The following GLG1 variants were observed in gnomAD, a reference collection of about 807,000 sequenced individuals.
The protein encoded by GLG1 is Golgi apparatus protein 1.
In GLG1, 38 loss-of-function variants were observed where a neutral mutation model predicts 160.5. That is an observed-to-expected ratio of 0.24 (90% CI 0.18 to 0.31). GLG1 has a LOEUF of 0.31. Among genes scored for constraint, GLG1 ranks in the 10% least tolerant of loss-of-function variants. The pLI is 1.00. For synonymous variants in GLG1, 644 were observed against 543.4 expected, an observed-to-expected ratio of 1.19 and a Z score of -2.57; for missense variants, 1,373 against 1,505.2, an observed-to-expected ratio of 0.91 and a Z score of 1.45.
At chr16:74,598,856 C>A (rs1021010052) in intron 1 of GLG1, among the ~76,000 whole-genome samples, 2 of 151,558 alleles carry the variant, frequency 1.3e-5, no homozygotes, top group African/African-American at 4.8e-5. Flanking sequence ...TTCACTCCAG[C>A]CTGAGCAAGA....
chr16:74,467,969 C>T lies in GLG1; in HGVS notation c.2437-121G>A, dbSNP rs369981559. Reference sequence around the variant, plus strand: ...GACCCTGGCTTCTACATAGCAAAGTCGCCTTGCAGCAAGAGAATCAGGCTT... The same window carrying T: ...GACCCTGGCTTCTACATAGCAAAGTTGCCTTGCAGCAAGAGAATCAGGCTT... On this transcript the variant is annotated intron_variant, in intron 17 of 25. Coordinates refer to ENST00000422840, the MANE Select transcript of GLG1 (RefSeq NM_001145667.2). The T allele has an allele frequency of 2.5e-5, 15 of 611,762 alleles. No homozygotes were observed. In the East Asian group the frequency reaches 2.5e-4, roughly 10 times the overall value. 37.9% of individuals were successfully genotyped at this position (611,762 alleles called of 1,614,324 possible).
intron 1 of GLG1, among the ~76,000 whole-genome samples, chr16:74,541,992 T>G (rs1013892966): frequency 2.8e-5 from 4 of 141,864 alleles, no homozygotes; most frequent in Non-Finnish European, 6.1e-5. Context: ...TTTTCCCAGT[T>G]CATATTTTCC....
intron 1 of GLG1, among the ~76,000 whole-genome samples, chr16:74,595,493 C>T (rs1230411276): frequency 2.6e-5 from 4 of 152,058 alleles, no homozygotes; most frequent in African/African-American, 7.2e-5. Flanking sequence ...GCCAAGATCG[C>T]GCCACTGCAC....
At chr16:74,553,840 C>T (rs2018278774) in intron 1 of GLG1, among the ~76,000 whole-genome samples, 1 of 152,158 alleles carries the variant, frequency 6.6e-6, no homozygotes, top group Non-Finnish European at 1.5e-5. Flanking sequence ...ATTCTGCTAT[C>T]ATTTTGGTCT....
chr16:74,584,040 G>C lies in GLG1; in HGVS notation c.438+22617C>G, dbSNP rs150292496. Among the ~76,000 whole-genome samples, 1,382 of 152,178 alleles carry C rather than the reference G, an allele frequency of 9.1e-3. 23 individuals carry two copies. Among genetic ancestry groups the C allele is most frequent in the African/African-American group, 0.032 (1,309 of 41,532 alleles). On this transcript the variant is annotated intron_variant, in intron 1 of 25. Coordinates refer to ENST00000422840, the MANE Select transcript of GLG1 (RefSeq NM_001145667.2). ...GTCTCCTTTGGCCCAAGTCTGTTTT[G>C]AGGTCTCATTGTAACAGCAGCTTTC...
chr16:74,527,806 G>A (rs1434714062), intron 2 of GLG1, among the ~76,000 whole-genome samples: 34 of 151,850 alleles, frequency 2.2e-4, no homozygotes, highest in South Asian at 1.5e-3. Flanking sequence ...AGCTCACTGC[G>A]ACCTCTTCCT....
chr16:74,605,577 CCTTT>C (rs1958547598), intron 1 of GLG1, among the ~76,000 whole-genome samples: 2 of 152,086 alleles, frequency 1.3e-5, no homozygotes, highest in South Asian at 2.1e-4. Flanking sequence ...CTGGAAACTT[CCTTT>C]CTTTCTGTCT....
intron 4 of GLG1, among the ~76,000 whole-genome samples, chr16:74,502,160 C>G (rs573980882): frequency 5.0e-4 from 76 of 152,302 alleles, no homozygotes; most frequent in African/African-American, 1.7e-3. Context: ...ATTTCCTGAA[C>G]AGTAGATTAA....
chr16:74,489,987 T>C (rs1394700017), intron 8 of GLG1, among the ~76,000 whole-genome samples: 2 of 152,184 alleles, frequency 1.3e-5, no homozygotes, highest in African/African-American at 2.4e-5. Context: ...TTAATAAAAA[T>C]GCTAACTATA....
At position 74,452,422 on chromosome 16, in the gene GLG1, C is replaced by A; in HGVS notation, c.*745G>T. On this transcript the variant is annotated 3_prime_UTR_variant, in exon 26 of 26. Coordinates refer to ENST00000422840, the MANE Select transcript of GLG1 (RefSeq NM_001145667.2). ...CAAACTTCCGGTCCCTTCCCCTCCC[C>A]AGCTGCCCTTGTCTAGGAAGGCTCA... 8.5e-7 allele frequency: 1 copy of A among 1,169,956 alleles called. No individual in the cohort carries two copies. Among genetic ancestry groups the A allele is most frequent in the Non-Finnish European group, 1.1e-6 (1 of 938,864 alleles). 72.5% of individuals were successfully genotyped at this position (1,169,956 alleles called of 1,614,324 possible).
At chr16:74,518,111 A>G (rs766536326) in intron 2 of GLG1, among the ~76,000 whole-genome samples, 3 of 152,014 alleles carry the variant, frequency 2.0e-5, no homozygotes, top group Non-Finnish European at 4.4e-5. Context: ...TATCGTGAAA[A>G]TGGCCTTACT....
At chr16:74,555,504 C>G (rs1321449746) in intron 1 of GLG1, among the ~76,000 whole-genome samples, 1 of 151,832 alleles carries the variant, frequency 6.6e-6, no homozygotes, top group Non-Finnish European at 1.5e-5. Flanking sequence ...CTGGGCAACA[C>G]AGAGAGACCT....
intron 22 of GLG1, chr16:74,461,642 T>G (rs536175094): frequency 1.3e-5 from 2 of 152,984 alleles, no homozygotes; most frequent in East Asian, 3.9e-4. Context: ...GGCTAATTTT[T>G]TGTATTTTTA....
At position 74,449,873 on chromosome 16, in the gene GLG1, A is replaced by G. The variant is rs2014219948; in HGVS notation, c.*3294T>C. ...GCTAACGGGCTTGTCTAGGGACAAC[A>G]GCAACAGCAATGGAAGTCCAACATG... On this transcript the variant is annotated 3_prime_UTR_variant, in exon 26 of 26. Transcript: ENST00000422840. 6.6e-6 allele frequency: 1 copy of G among 152,272 alleles called. No homozygotes were observed. The highest frequency in any genetic ancestry group is 1.5e-5 in the Non-Finnish European group (1 of 68,082). 9.4% of individuals were successfully genotyped at this position (152,272 alleles called of 1,614,324 possible).
At chr16:74,557,252 T>G (rs749069129) in intron 1 of GLG1, among the ~76,000 whole-genome samples, 1 of 152,236 alleles carries the variant, frequency 6.6e-6, no homozygotes, top group Admixed American at 6.5e-5. Flanking sequence ...TATGATTTGT[T>G]TGACTTTTGT....
At chr16:74,596,559 T>C (rs748903981) in intron 1 of GLG1, among the ~76,000 whole-genome samples, 5 of 152,222 alleles carry the variant, frequency 3.3e-5, no homozygotes, top group African/African-American at 4.8e-5. Flanking sequence ...ATGCATCCTT[T>C]TGGTACTAAA....
At chr16:74,550,479 C>G (rs1011072991) in intron 1 of GLG1, among the ~76,000 whole-genome samples, 1 of 152,010 alleles carries the variant, frequency 6.6e-6, no homozygotes, top group Non-Finnish European at 1.5e-5. Flanking sequence ...AGCAGTCATA[C>G]CATATGGTGT....
At chr16:74,566,653 T>C (rs1203438212) in intron 1 of GLG1, among the ~76,000 whole-genome samples, 2 of 152,180 alleles carry the variant, frequency 1.3e-5, no homozygotes, top group East Asian at 3.9e-4. Flanking sequence ...TCTGTTGTAA[T>C]TTGCCTTTTA....
At chr16:74,520,048 C>T (rs1016188454) in intron 2 of GLG1, among the ~76,000 whole-genome samples, 1 of 152,134 alleles carries the variant, frequency 6.6e-6, no homozygotes, top group African/African-American at 2.4e-5. Flanking sequence ...ATTTCATAGG[C>T]CTATTTTCCT....
Sources: allele counts gnomAD v4.1 joint callset (sites outside exome capture counted in the v4.1 genomes callset), GRCh38; gene constraint gnomAD v4.1.1; transcripts MANE v1.5; gene names NCBI Gene and HGNC (gene_info 2026-07-23, HGNC 2026-07-21).